TET3: variants seen among roughly 807,000 people sequenced by gnomAD.
TET3 encodes the protein methylcytosine dioxygenase TET3.
Under a neutral mutation model 141.4 loss-of-function variants are expected in TET3, and 19 were observed. That is an observed-to-expected ratio of 0.13 (90% CI 0.09 to 0.20). The LOEUF (loss-of-function observed/expected upper bound fraction) is 0.20. Among genes scored for constraint, TET3 ranks in the 10% least tolerant of loss-of-function variants. The probability of loss-of-function intolerance (pLI) is 1.00; values close to 1 mark genes in which losing one functional copy is unlikely to be tolerated. For missense variants in TET3, 1,874 were observed against 2,356.9 expected, an observed-to-expected ratio of 0.80 and a Z score of 4.24; for synonymous variants, 1,043 against 980.9, an observed-to-expected ratio of 1.06 and a Z score of -1.18.
intron 3 of TET3, among the ~76,000 whole-genome samples, chr2:74,018,955 A>C (rs950158971): frequency 2.6e-5 from 4 of 152,152 alleles, no homozygotes; most frequent in African/African-American, 4.8e-5. Flanking sequence ...GTGTTCATCA[A>C]AGTTTTAAGG....
intron 2 of TET3, among the ~76,000 whole-genome samples, chr2:73,995,893 C>T (rs1055276673): frequency 9.2e-5 from 14 of 152,182 alleles, no homozygotes; most frequent in African/African-American, 3.4e-4. Flanking sequence ...GATTCTAACC[C>T]ACTGCCCAGT....
At chr2:74,024,619 G>A (rs878916649) in intron 3 of TET3, among the ~76,000 whole-genome samples, 1 of 152,054 alleles carries the variant, frequency 6.6e-6, no homozygotes. Context: ...GAGAACTTGA[G>A]TTCTGGAGCC....
chr2:74,118,523 TATAAC>T, the TET3 span, among the ~76,000 whole-genome samples: 4 of 152,206 alleles, frequency 2.6e-5, no homozygotes, highest in Admixed American at 6.5e-5. Flanking sequence ...ATATAATACA[TATAAC>T]ATACAAAATA....
chr2:74,036,590 T>G (rs1213962329), intron 3 of TET3, among the ~76,000 whole-genome samples: 2 of 152,246 alleles, frequency 1.3e-5, no homozygotes, highest in East Asian at 3.8e-4. Context: ...CCACATTGCC[T>G]TGTGATCTTG....
At chr2:73,997,824 G>C (rs1684670262) in intron 2 of TET3, among the ~76,000 whole-genome samples, 1 of 152,162 alleles carries the variant, frequency 6.6e-6, no homozygotes, top group African/African-American at 2.4e-5. Flanking sequence ...TGATCTTGCT[G>C]TCTGGGGAGG....
At position 74,101,931 on chromosome 2, in the gene TET3, C is replaced by A; in HGVS notation, c.5143C>A (p.Gln1715Lys). Residue 1715 changes from glutamine to lysine, a missense_variant, in exon 12 of 12, where the codon CAG (glutamine) becomes AAG (lysine). Gln to Lys is a moderately conservative substitution (Grantham distance 53). Around this residue, in one of 10 missense-constraint regions of TET3, gnomAD observed 113 missense variants for 114.3 expected, o/e 0.99. Transcript: ENST00000409262. The surrounding 1 kb of genome is among the most constrained non-coding windows in gnomAD (Gnocchi z 8.5). Reference sequence around the variant, plus strand: ...GGCCCTCTGGGAAGCCAAGATGAAGCAGCTGGCGGAGAGGGCACGGGCACG... The same window carrying A: ...GGCCCTCTGGGAAGCCAAGATGAAGAAGCTGGCGGAGAGGGCACGGGCACG... ...GLALWEAKMK[Q>K]LAERARARQE... 6.2e-7 allele frequency: 1 copy of A among 1,613,314 alleles called. No homozygotes were observed. The highest frequency in any genetic ancestry group is 8.5e-7 in the Non-Finnish European group (1 of 1,179,696).
chr2:74,118,125 G>A, the TET3 span, among the ~76,000 whole-genome samples: 2 of 152,218 alleles, frequency 1.3e-5, no homozygotes, highest in Non-Finnish European at 2.9e-5. Flanking sequence ...ATCTCCACGA[G>A]AGCAGATACT....
In TET3 at chr2:74,047,989, C is replaced by T; in HGVS notation, c.2072C>T (p.Ala691Val). Residue 691 changes from alanine (A) to valine (V), a missense_variant, in exon 4 of 12, where the codon GCC becomes GTC. By Grantham distance (64) the Ala-to-Val change is moderately conservative (BLOSUM62 0). Around this residue, in one of 10 missense-constraint regions of TET3, gnomAD observed 484 missense variants for 462.2 expected, o/e 1.05. Coordinates refer to ENST00000409262, the MANE Select transcript of TET3 (RefSeq NM_001287491.2). ...ATGAGGTCCCCCAGCCCCATGACAG[C>T]CTTGCAGCCAGGCTCCACTGGCCCT... ...QEMRSPSPMTALQPGSTGPLP... is the reference protein window; with the variant it reads ...QEMRSPSPMTVLQPGSTGPLP... The T allele has an allele frequency of 2.5e-6, 4 of 1,609,914 alleles. No homozygotes were observed. Among genetic ancestry groups the T allele is most frequent in the Non-Finnish European group, 3.4e-6 (4 of 1,177,902 alleles).
Position 74,085,082 on chromosome 2 carries a change from CCTAATGCCACTAAACGGT to C in TET3, c.2680-2747_2680-2730del, listed in dbSNP as rs1690045793. ...ATGGTTGCACAGCAATATGAACATACCTAATGCCACTAAACGGTGTACTTTGAAATGATTAAAATGGTA... is the reference window on the plus strand; with the variant it reads ...ATGGTTGCACAGCAATATGAACATACGTACTTTGAAATGATTAAAATGGTA... On this transcript the variant is annotated intron_variant, in intron 6 of 11. Transcript: ENST00000409262. Among the ~76,000 whole-genome samples, 3 of 151,870 alleles carry C rather than the reference CCTAATGCCACTAAACGGT, an allele frequency of 2.0e-5. No individual in the cohort carries two copies. In the South Asian group the frequency reaches 6.2e-4, roughly 32 times the overall value.
chr2:73,999,408 T>C (rs1240972280), intron 2 of TET3, among the ~76,000 whole-genome samples: 5 of 152,238 alleles, frequency 3.3e-5, no homozygotes, highest in Non-Finnish European at 5.9e-5. Context: ...TATCATGCTC[T>C]ATGGGGCCTG....
chr2:74,121,436 A>G, the TET3 span: 1 of 152,262 alleles, frequency 6.6e-6, no homozygotes, highest in Non-Finnish European at 1.5e-5. Flanking sequence ...CAATGATCAG[A>G]AAAATGTCAC....
In TET3 at chr2:74,046,787, C is replaced by A. The variant is rs1266162668; in HGVS notation, c.870C>A (p.Ile290=). ...ACCTCGAGTGGCTGGAGGGGAAGAT[C>A]AAGTCTGTGGTCATGGAAGGAGGGG... ...PDYLEWLEGK[I]KSVVMEGGEE... Residue 290 remains isoleucine, a synonymous_variant, in exon 4 of 12, where the codon ATC becomes ATA. Coordinates refer to ENST00000409262, the MANE Select transcript of TET3 (RefSeq NM_001287491.2). This position sits in a 1 kb window ranked among gnomAD's most constrained non-coding sequence, Gnocchi z 4.3. 1.2e-6 allele frequency: 2 copies of A among 1,613,338 alleles called. No homozygotes were observed. Among genetic ancestry groups the A allele is most frequent in the Admixed American group, 3.3e-5 (2 of 59,998 alleles).
chr2:74,052,525 A>G (rs921315362), intron 4 of TET3, among the ~76,000 whole-genome samples: 1 of 150,040 alleles, frequency 6.7e-6, no homozygotes, highest in African/African-American at 2.5e-5. Context: ...ATATGGGAAC[A>G]ACTTTATAAA....
chr2:74,045,258 G>C (rs983245768), intron 3 of TET3, among the ~76,000 whole-genome samples: 1 of 152,206 alleles, frequency 6.6e-6, no homozygotes. Context: ...CTGTCTACCA[G>C]ATCTCTCCAC....
At chr2:74,043,400 G>A (rs1472700911) in intron 3 of TET3, among the ~76,000 whole-genome samples, 1 of 152,186 alleles carries the variant, frequency 6.6e-6, no homozygotes, top group Non-Finnish European at 1.5e-5. Context: ...AAGCACAGGA[G>A]TCATTGAGAT....
At chr2:73,990,978 T>C (rs1226386348) in intron 2 of TET3, among the ~76,000 whole-genome samples, 2 of 152,024 alleles carry the variant, frequency 1.3e-5, no homozygotes, top group African/African-American at 4.8e-5. Flanking sequence ...GGGAGGAGTG[T>C]TTGTATTTTT....
intron 6 of TET3, among the ~76,000 whole-genome samples, chr2:74,085,098 G>A (rs1001285917): frequency 1.3e-5 from 2 of 151,878 alleles, no homozygotes; most frequent in Non-Finnish European, 2.9e-5. Flanking sequence ...GCCACTAAAC[G>A]GTGTACTTTG....
rs1410097497 is a variant in TET3 at position 74,100,629 on chromosome 2, C to A, written c.3841C>A (p.Leu1281Ile). 13 of 1,613,950 alleles carry A rather than the reference C, an allele frequency of 8.1e-6. No homozygotes were observed. Among genetic ancestry groups the A allele is most frequent in the Non-Finnish European group, 1.1e-5 (13 of 1,179,918 alleles). ...CAATGGCTTCCACTCCAAGTACGCT[C>A]TCCCGTCTTTTAGCTACTATGGCTT... ...SVNGFHSKYA[L>I]PSFSYYGFPS... The change falls in exon 12 of 12, where the codon CTC becomes ATC. Residue 1281 changes from leucine (L) to isoleucine (I), a missense_variant. By Grantham distance (5) the Leu-to-Ile change is conservative. Around this residue, in one of 10 missense-constraint regions of TET3, gnomAD observed 602 missense variants for 590.2 expected, o/e 1.02. Coordinates refer to ENST00000409262, the MANE Select transcript of TET3 (RefSeq NM_001287491.2).
At chr2:74,074,881 T>TG (rs1491151213) in intron 5 of TET3, among the ~76,000 whole-genome samples, 1 of 130,524 alleles carries the variant, frequency 7.7e-6, no homozygotes, top group Non-Finnish European at 1.6e-5. Flanking sequence ...TTGTTTTGTT[T>TG]GTTTTTTTTT....
Sources: allele counts gnomAD v4.1 joint callset (sites outside exome capture counted in the v4.1 genomes callset), GRCh38; gene constraint gnomAD v4.1.1; regional missense constraint gnomAD v4.1.1; non-coding constraint Gnocchi (gnomAD v3.1); transcripts MANE v1.5; gene names NCBI Gene and HGNC (gene_info 2026-07-23, HGNC 2026-07-21).